Variants in JAKMIP1 observed in about 807,000 individuals in gnomAD.
The protein encoded by JAKMIP1 is janus kinase and microtubule-interacting protein 1.
In JAKMIP1, 33 loss-of-function variants were observed where a neutral mutation model predicts 113.0. That is an observed-to-expected ratio of 0.29 (90% confidence interval 0.22 to 0.39). JAKMIP1 has a LOEUF of 0.39. Ranked by LOEUF, JAKMIP1 falls within the 10% of genes least tolerant of loss-of-function variation. The pLI, the probability that JAKMIP1 is intolerant of heterozygous loss-of-function variation, is 1.00. For missense variants in JAKMIP1, 813 were observed against 1,080.5 expected (o/e 0.75, Z 3.47); for synonymous variants, 480 against 459.9 (o/e 1.04, Z -0.56).
At chr4:6,035,599 G>A (rs887512087) in intron 19 of JAKMIP1, among the ~76,000 whole-genome samples, 2 of 152,164 alleles carry the variant, frequency 1.3e-5, no homozygotes, top group South Asian at 2.1e-4. Flanking sequence ...ATGCCTCCCC[G>A]TAACCAGCAT....
In JAKMIP1 at chr4:6,138,750, A is replaced by G. The variant is rs1398375642; in HGVS notation, c.-147-25753T>C. Among the ~76,000 whole-genome samples, 2 of 152,050 alleles carry G rather than the reference A, an allele frequency of 1.3e-5. No homozygotes were observed. Among genetic ancestry groups the G allele is most frequent in the Non-Finnish European group, 2.9e-5 (2 of 68,020 alleles). On this transcript the variant is annotated intron_variant, in intron 1 of 20. Transcript: ENST00000409021. This position sits in a 1 kb window ranked among gnomAD's most constrained non-coding sequence, Gnocchi z 6.0. ...CAGAATGGGTACGAATCTTGACTCT[A>G]CCACTTGTTAGCTGTTTGTCCTGGG...
At chr4:6,056,863 A>G (rs1716544545) in intron 11 of JAKMIP1, 104 bp from the exon 12 acceptor site, 5 of 821,130 alleles carry the variant, frequency 6.1e-6, no homozygotes, top group Non-Finnish European at 1.1e-5. Flanking sequence ...TGACCATGGA[A>G]AGGTCATAAA....
Position 6,061,954 on chromosome 4 carries a change from G to T in JAKMIP1, c.1560+358C>A, listed in dbSNP as rs1717341984. ...CAAGTGTTCTGGTGGATGTCCTGGAGGGCGGGGGGCTGGCAGCCCTGGAGG... is the reference window on the plus strand; with the variant it reads ...CAAGTGTTCTGGTGGATGTCCTGGATGGCGGGGGGCTGGCAGCCCTGGAGG... On this transcript the variant is annotated intron_variant, in intron 10 of 20. Transcript: ENST00000409021. This position sits in a 1 kb window ranked among gnomAD's most constrained non-coding sequence, Gnocchi z 5.3. Among the ~76,000 whole-genome samples the T allele has an allele frequency of 6.6e-6, 1 of 152,234 alleles. No homozygotes were observed. Among genetic ancestry groups the T allele is most frequent in the South Asian group, 2.1e-4 (1 of 4,834 alleles).
In JAKMIP1 at chr4:6,167,083, G is replaced by A. The variant is rs13112882; in HGVS notation, c.-148+33170C>T. 6.6e-6 allele frequency among the ~76,000 whole-genome samples: 1 copy of A among 151,876 alleles called. No individual in the cohort carries two copies. The highest frequency in any genetic ancestry group is 1.5e-5 in the Non-Finnish European group (1 of 67,928). The stretch of plus-strand genomic sequence containing the variant: ...TGGAACAGTGCCTGGTGCGTAGGGG[G>A]TACTCAGGGTGGGCTGCTGGTATTA... On this transcript the variant is annotated intron_variant, in intron 1 of 20. Coordinates refer to ENST00000409021, the MANE Select transcript of JAKMIP1 (RefSeq NM_001099433.2). The surrounding 1 kb of genome is among the most constrained non-coding windows in gnomAD (Gnocchi z 5.3).
intron 1 of JAKMIP1, among the ~76,000 whole-genome samples, chr4:6,159,623 G>A (rs1321149610): frequency 6.6e-6 from 1 of 152,152 alleles, no homozygotes; most frequent in Non-Finnish European, 1.5e-5. Flanking sequence ...AAAGAAACAA[G>A]AACCAGGATA....
chr4:6,033,608 C>T (rs1166119948), intron 19 of JAKMIP1, among the ~76,000 whole-genome samples: 1 of 152,140 alleles, frequency 6.6e-6, no homozygotes, highest in Non-Finnish European at 1.5e-5. Context: ...CGGAGGTGAA[C>T]TAACTTGCCT....
chr4:6,109,122 AC>A, intron 2 of JAKMIP1, among the ~76,000 whole-genome samples: 1 of 104,486 alleles, frequency 9.6e-6, no homozygotes, highest in Non-Finnish European at 2.0e-5. Context: ...TGCCTGGGGC[AC>A]CTTTTTTTTT....
rs569792811 is a variant in JAKMIP1, at chr4:6,055,743, C to T, written c.1707+954G>A. ...GGTGTCCCCAGAGGTCGGGCCAGCCCTCCCCATTTCTGCAGGGTATCCCCA... is the reference window on the plus strand; with the variant it reads ...GGTGTCCCCAGAGGTCGGGCCAGCCTTCCCCATTTCTGCAGGGTATCCCCA... On this transcript the variant is annotated intron_variant, in intron 12 of 20. Coordinates refer to ENST00000409021, the MANE Select transcript of JAKMIP1 (RefSeq NM_001099433.2). 6.6e-5 allele frequency among the ~76,000 whole-genome samples: 10 copies of T among 151,932 alleles called. No individual in the cohort carries two copies. In the South Asian group the frequency reaches 1.3e-3, roughly 19 times the overall value.
intron 1 of JAKMIP1, among the ~76,000 whole-genome samples, chr4:6,163,059 C>A (rs1291715387): frequency 2.0e-5 from 3 of 152,186 alleles, no homozygotes; most frequent in African/African-American, 7.2e-5. Context: ...ACAGCTGTAC[C>A]CATGAGAGCT....
chr4:6,099,638 T>C (rs966879079), intron 3 of JAKMIP1, among the ~76,000 whole-genome samples: 2 of 152,228 alleles, frequency 1.3e-5, no homozygotes, highest in South Asian at 4.1e-4. Flanking sequence ...GTCTCAGACA[T>C]TGACTCTCCT....
chr4:6,190,722 C>G (rs1727165182), intron 1 of JAKMIP1, among the ~76,000 whole-genome samples: 1 of 152,232 alleles, frequency 6.6e-6, no homozygotes, highest in Non-Finnish European at 1.5e-5. Context: ...CAAAGTTGCC[C>G]CCCGGCATCT....
At chr4:6,175,813 C>T (rs1319967582) in intron 1 of JAKMIP1, among the ~76,000 whole-genome samples, 2 of 152,238 alleles carry the variant, frequency 1.3e-5, no homozygotes, top group Non-Finnish European at 2.9e-5. Flanking sequence ...TGCCTTGGAA[C>T]TCTCTTTAAA....
At chr4:6,068,813 G>T (rs775173770) in intron 8 of JAKMIP1, among the ~76,000 whole-genome samples, 3 of 152,116 alleles carry the variant, frequency 2.0e-5, no homozygotes, top group Non-Finnish European at 4.4e-5. Flanking sequence ...CAAGTGATCC[G>T]TCTACCTCGA....
At chr4:6,107,255 T>C (rs573367646) in intron 2 of JAKMIP1, among the ~76,000 whole-genome samples, 32 of 152,308 alleles carry the variant, frequency 2.1e-4, no homozygotes, top group African/African-American at 7.5e-4. Flanking sequence ...TTCTCCCTCC[T>C]GCGAGGCAAC....
At chr4:6,148,474 G>C (rs1459045641) in intron 1 of JAKMIP1, among the ~76,000 whole-genome samples, 1 of 152,242 alleles carries the variant, frequency 6.6e-6, no homozygotes, top group African/African-American at 2.4e-5. Flanking sequence ...AGATACACAG[G>C]ACACCACTTG....
In JAKMIP1 at chr4:6,197,768, A is replaced by T. The variant is rs1177448928; in HGVS notation, c.-148+2485T>A. ...GCAGGGCCTGAATGGGAACCCTGGC[A>T]GTCTGGCTCAGAGCCTGAAGAGACA... is the stretch of plus-strand genomic sequence containing the variant. On this transcript the variant is annotated intron_variant, in intron 1 of 20. Transcript: ENST00000409021. This position sits in a 1 kb window ranked among gnomAD's most constrained non-coding sequence, Gnocchi z 6.5. 6.6e-6 allele frequency among the ~76,000 whole-genome samples: 1 copy of T among 152,244 alleles called. No homozygotes were observed. Among genetic ancestry groups the T allele is most frequent in the East Asian group, 1.9e-4 (1 of 5,196 alleles).
intron 8 of JAKMIP1, among the ~76,000 whole-genome samples, chr4:6,077,779 C>T (rs566089450): frequency 1.3e-5 from 2 of 152,210 alleles, no homozygotes; most frequent in South Asian, 2.1e-4. Flanking sequence ...CCACTGTGCC[C>T]GGTCTTTTTC....
chr4:6,140,276 G>A lies in JAKMIP1; in HGVS notation c.-147-27279C>T, dbSNP rs1430303247. 6.7e-6 allele frequency among the ~76,000 whole-genome samples: 1 copy of A among 149,764 alleles called. No homozygotes were observed. The highest frequency in any genetic ancestry group is 2.5e-5 in the African/African-American group (1 of 40,472). On this transcript the variant is annotated intron_variant, in intron 1 of 20. Transcript: ENST00000409021. This position sits in a 1 kb window ranked among gnomAD's most constrained non-coding sequence, Gnocchi z 9.4. The stretch of plus-strand genomic sequence containing the variant: ...TTTTTTTTTTTTTTTTCTGTGGGGA[G>A]GGACTTTCACCAACATTTGTGTGAT...
intron 18 of JAKMIP1, 33 bp from the exon 19 acceptor site, chr4:6,036,140 G>A (rs1159490106): frequency 7.4e-6 from 11 of 1,483,960 alleles, no homozygotes; most frequent in Non-Finnish European, 1.0e-5. Context: ...ACAGAGGAAG[G>A]TCACAAGGAG....
Sources: gnomAD v4.1 joint callset for allele counts (sites outside exome capture counted in the v4.1 genomes callset) on GRCh38, gnomAD v4.1.1 for gene constraint, Gnocchi (gnomAD v3.1) non-coding constraint, MANE v1.5 for transcripts, NCBI Gene and HGNC (gene_info 2026-07-23, HGNC 2026-07-21) for gene names.